Variants in GLT1D1 observed in about 807,000 individuals in gnomAD.
The protein encoded by GLT1D1 is glycosyltransferase 1 domain containing 1, also known as glycosyltransferase 1 domain-containing protein 1.
Under a neutral mutation model 28.7 loss-of-function variants are expected in GLT1D1, and 21 were observed. The ratio of observed to expected loss-of-function variants is 0.73; its 90% CI spans 0.52 to 1.05. The LOEUF (loss-of-function observed/expected upper bound fraction) is 1.05, where lower values mean the gene tolerates loss of function less well. Among genes scored for constraint, GLT1D1 ranks in the 50% least tolerant of loss-of-function variants. The probability of loss-of-function intolerance (pLI) is 0.00; values close to 1 mark genes in which losing one functional copy is unlikely to be tolerated. For synonymous variants in GLT1D1, 147 were observed against 124.8 expected (o/e 1.18, Z -1.19); for missense variants, 343 against 330.6 (o/e 1.04, Z -0.29).
At chr12:128,915,022 T>C in intron 4 of GLT1D1, 33 bp downstream of exon 6, 1 of 1,485,322 alleles carries the variant, frequency 6.7e-7, no homozygotes, top group Non-Finnish European at 9.1e-7. Context: ...AGGATTTTGA[T>C]GAAGTGCATC....
intron 3 of GLT1D1, among the ~76,000 whole-genome samples, chr12:128,897,466 A>T (rs889019146): frequency 6.6e-6 from 1 of 152,020 alleles, no homozygotes. Context: ...GGTATCCAAT[A>T]ATGTCATAGC....
intron 4 of GLT1D1, among the ~76,000 whole-genome samples, chr12:128,927,512 ACAGGCGTGAGCCACCGCGCC>A (rs1873352863): frequency 1.3e-5 from 2 of 152,050 alleles, no homozygotes; most frequent in Non-Finnish European, 2.9e-5. Context: ...TGCTGGGATT[ACAGGCGTGAGCCACCGCGCC>A]CAGCTTACAT....
At chr12:128,880,066 T>G (rs1046673353) in intron 2 of GLT1D1, among the ~76,000 whole-genome samples, 16 of 152,260 alleles carry the variant, frequency 1.1e-4, no homozygotes, top group Non-Finnish European at 4.4e-5. Flanking sequence ...GCTGTGTAAC[T>G]TTTGTTTTGA....
At chr12:128,958,747 T>TCAA (rs1877566032) in intron 7 of GLT1D1, among the ~76,000 whole-genome samples, 1 of 25,522 alleles carries the variant, frequency 3.9e-5, no homozygotes, top group African/African-American at 1.9e-4. Context: ...GGACTCTGCC[T>TCAA]CAAAAAAAAA....
At chr12:128,900,386 T>G (rs1251543902) in intron 4 of GLT1D1, among the ~76,000 whole-genome samples, 1 of 152,206 alleles carries the variant, frequency 6.6e-6, no homozygotes, top group Non-Finnish European at 1.5e-5. Flanking sequence ...TGGTGGTACT[T>G]GAAAACTGCT....
At chr12:128,900,552 C>T (rs562271029) in intron 4 of GLT1D1, among the ~76,000 whole-genome samples, 176 of 152,112 alleles carry the variant, frequency 1.2e-3, no homozygotes, top group African/African-American at 4.0e-3. Context: ...GGTTGTATTT[C>T]CTAGTGCAGT....
At chr12:128,853,971 G>C (rs1428110871) in intron 1 of GLT1D1, among the ~76,000 whole-genome samples, 2 of 152,000 alleles carry the variant, frequency 1.3e-5, no homozygotes, top group Non-Finnish European at 2.9e-5. Context: ...CAGGATGGGA[G>C]CAGGATCCGC....
intron 4 of GLT1D1, among the ~76,000 whole-genome samples, 198 bp from the exon 6 acceptor site, chr12:128,914,735 G>A (rs1047442885): frequency 4.6e-5 from 7 of 152,098 alleles, no homozygotes; most frequent in Admixed American, 1.3e-4. Flanking sequence ...CAGGAGAATC[G>A]CTTCAAACCG....
At chr12:128,908,913 C>T (rs1396332465) in intron 4 of GLT1D1, among the ~76,000 whole-genome samples, 2 of 152,074 alleles carry the variant, frequency 1.3e-5, no homozygotes, top group Non-Finnish European at 2.9e-5. Context: ...CGCGCCCCTG[C>T]ACTCCAGCCT....
chr12:128,869,833 A>C (rs1263858207), intron 1 of GLT1D1, among the ~76,000 whole-genome samples: 1 of 151,944 alleles, frequency 6.6e-6, no homozygotes, highest in Non-Finnish European at 1.5e-5. Context: ...ATTTCACCTG[A>C]TCTCAATTGA....
intron 2 of GLT1D1, among the ~76,000 whole-genome samples, chr12:128,881,233 A>AG (rs1957031618): frequency 6.7e-6 from 1 of 148,614 alleles, no homozygotes; most frequent in African/African-American, 2.5e-5. Context: ...CAAAAAAAAA[A>AG]AAAAAAAAAA....
intron 4 of GLT1D1, among the ~76,000 whole-genome samples, chr12:128,917,666 A>G (rs1872239027): frequency 1.3e-5 from 2 of 152,226 alleles, no homozygotes; most frequent in Non-Finnish European, 2.9e-5. Context: ...GTCTGTTTTC[A>G]TGCTAAAGAC....
intron 4 of GLT1D1, among the ~76,000 whole-genome samples, chr12:128,928,372 C>G (rs1400014871): frequency 1.3e-5 from 2 of 152,098 alleles, no homozygotes; most frequent in Non-Finnish European, 2.9e-5. Flanking sequence ...GCCTCCCATT[C>G]CATGGGGACT....
intron 1 of GLT1D1, among the ~76,000 whole-genome samples, chr12:128,865,585 G>A (rs1205531134): frequency 3.3e-5 from 5 of 152,194 alleles, no homozygotes; most frequent in Admixed American, 3.3e-4. Flanking sequence ...CACTTTGGGA[G>A]GCCGAATTGG....
intron 1 of GLT1D1, among the ~76,000 whole-genome samples, chr12:128,858,262 C>A (rs1222088468): frequency 6.6e-6 from 1 of 152,106 alleles, no homozygotes; most frequent in Non-Finnish European, 1.5e-5. Context: ...CTGACTCTGG[C>A]ATAACATTAT....
chr12:128,887,827 G>C lies in GLT1D1; in HGVS notation c.218-812G>C, dbSNP rs182663715. Among the ~76,000 whole-genome samples the C allele has an allele frequency of 2.6e-5, 4 of 152,314 alleles. No homozygotes were observed. In the East Asian group the frequency reaches 7.7e-4, roughly 29 times the overall value. On this transcript the variant is annotated intron_variant, in intron 2 of 7. Coordinates refer to ENST00000281703, the MANE Select transcript of GLT1D1 (RefSeq NM_144669.3). ...GAGAAATCTAACTGGGTGAACTCCA[G>C]TTAGATCTGGTCTGTTGGGTGATTT...
intron 7 of GLT1D1, among the ~76,000 whole-genome samples, chr12:128,969,002 C>T (rs2135536485): frequency 6.6e-6 from 1 of 152,162 alleles, no homozygotes; most frequent in East Asian, 1.9e-4. Context: ...TCTGTCTCGT[C>T]ATCTCCTTGT....
chr12:128,906,773 A>T, intron 4 of GLT1D1: 2 of 469,406 alleles, frequency 4.3e-6, no homozygotes, highest in Non-Finnish European at 3.8e-6. Flanking sequence ...TCTGGGGCCT[A>T]ATTTATCTAC....
chr12:128,913,393 G>A (rs1871750530), intron 4 of GLT1D1, among the ~76,000 whole-genome samples: 1 of 152,038 alleles, frequency 6.6e-6, no homozygotes, highest in South Asian at 2.1e-4. Flanking sequence ...GCTAATTTTT[G>A]TGTATTTTGT....
Sources: allele counts gnomAD v4.1 joint callset (sites outside exome capture counted in the v4.1 genomes callset), GRCh38; gene constraint gnomAD v4.1.1; transcripts MANE v1.5; gene names NCBI Gene and HGNC (gene_info 2026-07-23, HGNC 2026-07-21).